DR1: variants seen among roughly 807,000 people sequenced by gnomAD.
DR1 encodes the protein down-regulator of transcription 1, also known as protein Dr1.
DR1 carries 7 observed loss-of-function variants against 19.9 expected under a neutral mutation model. That is an observed-to-expected ratio of 0.35 (90% CI 0.20 to 0.66). The LOEUF (loss-of-function observed/expected upper bound fraction) is 0.66, where lower values mean the gene tolerates loss of function less well. Ranked by LOEUF, DR1 falls within the 30% of genes least tolerant of loss-of-function variation. DR1 has a pLI of 0.66. For synonymous variants in DR1, 76 were observed against 72.5 expected, an observed-to-expected ratio of 1.05 and a Z score of -0.24; for missense variants, 98 against 203.7, an observed-to-expected ratio of 0.48 and a Z score of 3.16.
intron 1 of DR1, 64 bp downstream of exon 1, chr1:93,346,929 C>T: frequency 2.1e-6 from 3 of 1,407,168 alleles, no homozygotes; most frequent in Non-Finnish European, 2.9e-6. Flanking sequence ...AATCGCGTGA[C>T]CCTTTCGTGT....
chr1:93,347,134 A>C (rs781760010), intron 1 of DR1, among the ~76,000 whole-genome samples: 6 of 152,250 alleles, frequency 3.9e-5, no homozygotes, highest in Admixed American at 1.3e-4. Context: ...CTCACTTTAC[A>C]GCCAGGTAAG....
chr1:93,358,605 C>T (rs369969792), intron 2 of DR1, among the ~76,000 whole-genome samples: 25 of 152,136 alleles, frequency 1.6e-4, no homozygotes, highest in African/African-American at 5.8e-4. Context: ...CCCATTCTTC[C>T]GAGGCCTGAG....
At chr1:93,346,945 C>T in intron 1 of DR1, 80 bp downstream of exon 1, 1 of 1,222,840 alleles carries the variant, frequency 8.2e-7, no homozygotes, top group Non-Finnish European at 1.2e-6. Flanking sequence ...CGTGTCAAAG[C>T]CTCCATTCCT....
Position 93,362,677 on chromosome 1 carries a change from T to G in DR1, c.*2038T>G, listed in dbSNP as rs1208920451. ...CAAGAATCTTAGGCCCAAAAGACAT[T>G]TTGGTCATTTGGTATGTAGTACCTG... On this transcript the variant is annotated 3_prime_UTR_variant, in exon 3 of 3. Coordinates refer to ENST00000370272, the MANE Select transcript of DR1 (RefSeq NM_001938.3). The G allele has an allele frequency of 6.6e-6, 1 of 151,896 alleles. No homozygotes were observed. Among genetic ancestry groups the G allele is most frequent in the Non-Finnish European group, 1.5e-5 (1 of 67,846 alleles). 9.4% of individuals were successfully genotyped at this position (151,896 alleles called of 1,614,324 possible).
intron 2 of DR1, 45 bp downstream of exon 2, chr1:93,354,116 T>G (rs1666949049): frequency 6.4e-7 from 1 of 1,562,530 alleles, no homozygotes; most frequent in South Asian, 1.2e-5. Context: ...CCTACCCTGT[T>G]TGCTAACTGA....
At chr1:93,350,776 G>A (rs1304519398) in intron 1 of DR1, among the ~76,000 whole-genome samples, 1 of 152,094 alleles carries the variant, frequency 6.6e-6, no homozygotes, top group Non-Finnish European at 1.5e-5. Flanking sequence ...GGCATAGGGT[G>A]ACAGATAGTG....
rs1215502409 is a variant in DR1, at chr1:93,360,939, C to G, written c.*300C>G. The G allele has an allele frequency of 4.8e-6, 1 of 208,574 alleles. No individual in the cohort carries two copies. Among genetic ancestry groups the G allele is most frequent in the African/African-American group, 2.3e-5 (1 of 43,174 alleles). 12.9% of individuals were successfully genotyped at this position (208,574 alleles called of 1,614,324 possible). A position where few individuals can be genotyped will look rare whatever the true frequency, so the allele number is the denominator to read the frequency against. ...CAATAAACAGTGTTACAGATAACTT[C>G]AAGTTTATAAAAATACAGTGAAATT... On this transcript the variant is annotated 3_prime_UTR_variant, in exon 3 of 3. Transcript: ENST00000370272.
intron 1 of DR1, among the ~76,000 whole-genome samples, chr1:93,347,761 G>A (rs1022837112): frequency 1.3e-5 from 2 of 152,132 alleles, no homozygotes; most frequent in African/African-American, 2.4e-5. Flanking sequence ...TGGTTTCAGA[G>A]AGGAGAAACA....
intron 1 of DR1, among the ~76,000 whole-genome samples, chr1:93,351,970 G>A (rs1046207682): frequency 1.3e-5 from 2 of 152,124 alleles, no homozygotes; most frequent in Non-Finnish European, 2.9e-5. Flanking sequence ...GTCTGAGTTG[G>A]TTAAGTGATT....
rs747487257 is a variant in DR1, at chr1:93,360,512, A to G, written c.404A>G (p.Glu135Gly). 6.3e-7 allele frequency: 1 copy of G among 1,585,940 alleles called. No homozygotes were observed. The highest frequency in any genetic ancestry group is 8.5e-7 in the Non-Finnish European group (1 of 1,171,870). ...LFAKARQQQA[E>G]LAQQEWLQMQ... ...GTTTAGGCTAGACAGCAACAAGCAG[A>G]ATTGGCCCAACAGGAATGGCTTCAA... Residue 135 changes from glutamate (E) to glycine (G), a missense_variant, in exon 3 of 3, where the codon GAA becomes GGA. Glu to Gly is a moderately conservative substitution (Grantham distance 98, BLOSUM62 -2). Transcript: ENST00000370272.
rs924805078 is a variant in DR1 at position 93,346,129 on chromosome 1, G to T, written c.-517G>T. 69 of 225,856 alleles carry T rather than the reference G, an allele frequency of 3.1e-4. No homozygotes were observed. Among genetic ancestry groups the T allele is most frequent in the Admixed American group, 7.0e-4 (12 of 17,062 alleles). The allele number at this position is 225,856 out of a possible 1,614,324, so 14.0% of individuals were successfully genotyped here. A position where few individuals can be genotyped will look rare whatever the true frequency, so the allele number is the denominator to read the frequency against. ...GGCAGCGGCGGACATGTTGTGAGGC[G>T]GCGGCGCGGGTGTCTGAAGGATGGT... On this transcript the variant is annotated 5_prime_UTR_variant, in exon 1 of 3. Transcript: ENST00000370272.
In DR1 at chr1:93,346,870, G is replaced by A. The variant is rs369295429; in HGVS notation, c.220+5G>A. The A allele has an allele frequency of 3.1e-6, 5 of 1,605,282 alleles. No homozygotes were observed. Among genetic ancestry groups the A allele is most frequent in the African/African-American group, 2.7e-5 (2 of 74,836 alleles). On this transcript the variant is annotated splice_donor_5th_base_variant and intron_variant, in intron 1 of 2. Transcript: ENST00000370272. ...CACCAGAGCATGTCATACAAGGTAA[G>A]TCGTGTGTGAGAGCTGGTTTGAATG...
At position 93,361,845 on chromosome 1, in the gene DR1, A is replaced by T. The variant is rs941426762; in HGVS notation, c.*1206A>T. The T allele has an allele frequency of 1.3e-5, 2 of 152,554 alleles. No individual in the cohort carries two copies. The highest frequency in any genetic ancestry group is 4.8e-5 in the African/African-American group (2 of 41,462). 9.5% of individuals were successfully genotyped at this position (152,554 alleles called of 1,614,324 possible). ...CGTATATGGAACATAAATAGTTTCTACCTGCTTGTTAGAGAAGCTTTAATT... is the reference window on the plus strand; with the variant it reads ...CGTATATGGAACATAAATAGTTTCTTCCTGCTTGTTAGAGAAGCTTTAATT... On this transcript the variant is annotated 3_prime_UTR_variant, in exon 3 of 3. Coordinates refer to ENST00000370272, the MANE Select transcript of DR1 (RefSeq NM_001938.3).
chr1:93,351,678 C>A (rs1168267207), intron 1 of DR1, among the ~76,000 whole-genome samples: 1 of 152,012 alleles, frequency 6.6e-6, no homozygotes, highest in Non-Finnish European at 1.5e-5. Flanking sequence ...TCAAGTAATC[C>A]CCGTGCCTTG....
intron 1 of DR1, among the ~76,000 whole-genome samples, chr1:93,347,831 T>G (rs555224334): frequency 6.9e-4 from 105 of 152,270 alleles, no homozygotes; most frequent in Non-Finnish European, 1.3e-3. Context: ...CATGTACTCT[T>G]GTGAAAGAGT....
chr1:93,358,469 G>T (rs139101882), intron 2 of DR1, among the ~76,000 whole-genome samples: 1 of 152,100 alleles, frequency 6.6e-6, no homozygotes, highest in African/African-American at 2.4e-5. Flanking sequence ...GACTGAACGC[G>T]GTTTGCATTT....
rs1361186189 is a variant in DR1, at chr1:93,367,472, C to G, written c.*6833C>G. On this transcript the variant is annotated 3_prime_UTR_variant, in exon 3 of 3. Coordinates refer to ENST00000370272, the MANE Select transcript of DR1 (RefSeq NM_001938.3). ...GTGTCTTGGGTAGCTGGAGCCTATC[C>G]CAGCAGCTCAGGGAGCAAAGTGGGA... 1 of 152,084 alleles carries G rather than the reference C, an allele frequency of 6.6e-6. No individual in the cohort carries two copies. The highest frequency in any genetic ancestry group is 1.5e-5 in the Non-Finnish European group (1 of 68,022). The allele number at this position is 152,084 out of a possible 1,614,324, so 9.4% of individuals were successfully genotyped here.
At position 93,354,180 on chromosome 1, in the gene DR1, T is replaced by C. The variant is rs1014505070; in HGVS notation, c.384+109T>C. The C allele has an allele frequency of 2.7e-6, 3 of 1,098,600 alleles. No homozygotes were observed. The African/African-American group carries it at 4.8e-5, about 18-fold the overall frequency. 68.1% of individuals were successfully genotyped at this position (1,098,600 alleles called of 1,614,324 possible). On this transcript the variant is annotated intron_variant, in intron 2 of 2. Coordinates refer to ENST00000370272, the MANE Select transcript of DR1 (RefSeq NM_001938.3). The stretch of plus-strand genomic sequence containing the variant: ...CAGAGGATTCCCTTTTTCTAGGTAG[T>C]TGATTATAGATTCTGGTGTTCAGAG...
rs943225464 is a variant in DR1, at chr1:93,364,662, G to C, written c.*4023G>C. ...GATATAAAGTGTCATGGTTAGGATC[G>C]GCCAGGGTGAAGAGAATGATAACAT... On this transcript the variant is annotated 3_prime_UTR_variant, in exon 3 of 3. Transcript: ENST00000370272. 6.6e-6 allele frequency: 1 copy of C among 152,052 alleles called. No homozygotes were observed. Among genetic ancestry groups the C allele is most frequent in the Non-Finnish European group, 1.5e-5 (1 of 68,050 alleles). The allele number at this position is 152,052 out of a possible 1,614,324, so 9.4% of individuals were successfully genotyped here.
Sources: allele counts gnomAD v4.1 joint callset (sites outside exome capture counted in the v4.1 genomes callset), GRCh38; gene constraint gnomAD v4.1.1; transcripts MANE v1.5; gene names NCBI Gene and HGNC (gene_info 2026-07-23, HGNC 2026-07-21).